Variants in GRIN2A observed in about 807,000 individuals in gnomAD.
GRIN2A encodes the protein glutamate ionotropic receptor NMDA type subunit 2A.
A neutral mutation model predicts 113.4 loss-of-function variants in GRIN2A; 22 were observed. The observed-to-expected ratio is 0.19, with a 90% CI of 0.14 to 0.28. The LOEUF (loss-of-function observed/expected upper bound fraction) is 0.28, where lower values mean the gene tolerates loss of function less well. Ranked by LOEUF, GRIN2A falls within the 10% of genes least tolerant of loss-of-function variation. The pLI, the probability that GRIN2A is intolerant of heterozygous loss-of-function variation, is 1.00. For missense variants in GRIN2A, 1,502 were observed against 1,887.0 expected, an observed-to-expected ratio of 0.80 and a Z score of 3.78; for synonymous variants, 827 against 738.4, an observed-to-expected ratio of 1.12 and a Z score of -1.94.
chr16:9,818,207 T>C (rs1025588829), intron 10 of GRIN2A, among the ~76,000 whole-genome samples: 30 of 152,092 alleles, frequency 2.0e-4, no homozygotes, highest in Non-Finnish European at 3.1e-4. Context: ...GGTGGGACGT[T>C]GAGAAGACAC....
Position 9,799,155 on chromosome 16 carries a change from C to T in GRIN2A, c.2169-691G>A, listed in dbSNP as rs545798717. Among the ~76,000 whole-genome samples, 27 of 152,216 alleles carry T rather than the reference C, an allele frequency of 1.8e-4. No homozygotes were observed. The East Asian group carries it at 2.3e-3, about 13-fold the overall frequency. ...ATAGTTGAGGCTTTGTAGGACATAC[C>T]GTCTCTGTTGCAGCTATTAAACTCT... On this transcript the variant is annotated intron_variant, in intron 10 of 12. Coordinates refer to ENST00000330684, the MANE Select transcript of GRIN2A (RefSeq NM_001134407.3).
intron 4 of GRIN2A, among the ~76,000 whole-genome samples, chr16:9,869,791 T>C (rs928880537): frequency 3.3e-5 from 5 of 152,232 alleles, no homozygotes; most frequent in Admixed American, 6.5e-5. Flanking sequence ...TGTTTTATTA[T>C]ATACAGGGAT....
chr16:9,965,634 C>T (rs1472961724), intron 2 of GRIN2A, among the ~76,000 whole-genome samples: 1 of 152,138 alleles, frequency 6.6e-6, no homozygotes, highest in Non-Finnish European at 1.5e-5. Context: ...TCTCTGATGT[C>T]CAGTCCATGT....
rs1900250568 is a variant in GRIN2A, at chr16:9,753,581, C to G, written c.*9568G>C. ...TTAAAACAGTTGATAACACATTGAA[C>G]AAAATTAAAAGACATACTACAAGAA... On this transcript the variant is annotated 3_prime_UTR_variant, in exon 13 of 13. Coordinates refer to ENST00000330684, the MANE Select transcript of GRIN2A (RefSeq NM_001134407.3). 1 of 197,962 alleles carries G rather than the reference C, an allele frequency of 5.1e-6. No individual in the cohort carries two copies. Among genetic ancestry groups the G allele is most frequent in the Non-Finnish European group, 1.0e-5 (1 of 95,704 alleles). 12.3% of individuals were successfully genotyped at this position (197,962 alleles called of 1,614,324 possible).
intron 2 of GRIN2A, among the ~76,000 whole-genome samples, chr16:10,118,009 G>C (rs1203432622): frequency 6.6e-6 from 1 of 152,082 alleles, no homozygotes; most frequent in East Asian, 1.9e-4. Flanking sequence ...TGAGCACATG[G>C]CACTGGACCA....
intron 12 of GRIN2A, 98 bp downstream of exon 12, chr16:9,768,753 T>G: frequency 1.2e-6 from 1 of 835,548 alleles, no homozygotes; most frequent in Non-Finnish European, 2.1e-6. Context: ...GAAAGGCTGG[T>G]AAGGGGAGGA....
intron 2 of GRIN2A, among the ~76,000 whole-genome samples, chr16:10,135,232 C>T (rs1204123210): frequency 6.6e-6 from 1 of 152,206 alleles, no homozygotes; most frequent in Non-Finnish European, 1.5e-5. Context: ...CACTATATAA[C>T]AAGGATGTCC....
intron 7 of GRIN2A, among the ~76,000 whole-genome samples, chr16:9,835,949 A>G (rs549092398): frequency 3.9e-4 from 59 of 152,378 alleles, no homozygotes; most frequent in African/African-American, 1.3e-3. Flanking sequence ...TTACTTAAGT[A>G]ACACAAGATG....
chr16:9,754,090 T>C lies in GRIN2A; in HGVS notation c.*9059A>G, dbSNP rs951161617. The C allele has an allele frequency of 1.1e-5, 2 of 184,668 alleles. No homozygotes were observed. The highest frequency in any genetic ancestry group is 4.7e-5 in the African/African-American group (2 of 42,642). 11.4% of individuals were successfully genotyped at this position (184,668 alleles called of 1,614,324 possible). On this transcript the variant is annotated 3_prime_UTR_variant, in exon 13 of 13. Transcript: ENST00000330684. ...AGGCCATTATTTATAATTTTTATGATCTAATTCTTATTCAAGCTACCAAGA... is the reference window on the plus strand; with the variant it reads ...AGGCCATTATTTATAATTTTTATGACCTAATTCTTATTCAAGCTACCAAGA...
At chr16:10,167,988 T>C (rs1262908836) in intron 2 of GRIN2A, among the ~76,000 whole-genome samples, 3 of 152,182 alleles carry the variant, frequency 2.0e-5, no homozygotes, top group African/African-American at 7.2e-5. Flanking sequence ...TCTGGCTGGC[T>C]CTTTAGAATA....
intron 2 of GRIN2A, among the ~76,000 whole-genome samples, chr16:10,101,374 A>G (rs1268394321): frequency 6.6e-6 from 1 of 152,228 alleles, no homozygotes; most frequent in Non-Finnish European, 1.5e-5. Flanking sequence ...CCACAACATG[A>G]AGCGTATACA....
intron 2 of GRIN2A, among the ~76,000 whole-genome samples, chr16:10,107,951 A>C (rs1419826079): frequency 6.6e-6 from 1 of 152,146 alleles, no homozygotes; most frequent in Non-Finnish European, 1.5e-5. Flanking sequence ...AAGTTCTGGG[A>C]AAGTACAGTT....
Position 9,763,533 on chromosome 16 carries a change from C to A in GRIN2A, c.4011G>T (p.Ser1337=), listed in dbSNP as rs748586367. Residue 1337 remains serine (S), a synonymous_variant, in exon 13 of 13, where the codon TCG becomes TCT. Transcript: ENST00000330684. ...SLFSVPSSKL[S]GKKSSLFPQG... The stretch of plus-strand genomic sequence containing the variant: ...GGGGGAAAAGGGAGCTTTTTTTCCC[C>A]GAGAGTTTGCTTGAGGGGACACTAA... 6.2e-7 allele frequency: 1 copy of A among 1,613,894 alleles called. No individual in the cohort carries two copies. The highest frequency in any genetic ancestry group is 1.1e-5 in the South Asian group (1 of 91,050).
intron 2 of GRIN2A, among the ~76,000 whole-genome samples, chr16:9,998,728 TTC>T (rs1020618579): frequency 6.6e-6 from 1 of 151,760 alleles, no homozygotes. Flanking sequence ...AGTCTCACTC[TTC>T]TCTCTCTCTC....
chr16:9,987,592 G>A (rs1234363465), intron 2 of GRIN2A, among the ~76,000 whole-genome samples: 1 of 152,178 alleles, frequency 6.6e-6, no homozygotes, highest in Non-Finnish European at 1.5e-5. Flanking sequence ...TTAAGCTAAG[G>A]AAATTAAACC....
At chr16:9,961,831 G>A (rs570529608) in intron 2 of GRIN2A, among the ~76,000 whole-genome samples, 1 of 152,116 alleles carries the variant, frequency 6.6e-6, no homozygotes, top group Non-Finnish European at 1.5e-5. Context: ...TTAATCCTCA[G>A]CCAAAAGAAC....
At chr16:10,116,129 C>T (rs1379512769) in intron 2 of GRIN2A, among the ~76,000 whole-genome samples, 1 of 152,204 alleles carries the variant, frequency 6.6e-6, no homozygotes, top group Non-Finnish European at 1.5e-5. Flanking sequence ...TTATGGAATA[C>T]TATCCAGCCA....
rs1339979085 is a variant in GRIN2A at position 9,834,117 on chromosome 16, C to A, written c.1765G>T (p.Ala589Ser). Reference sequence around the variant, plus strand: ...AAGGTACCCTTACCTTTCCCTTTGGCTAAGTTTCTGTTGTATCCAACAGGG... The same window carrying A: ...AAGGTACCCTTACCTTTCCCTTTGGATAAGTTTCTGTTGTATCCAACAGGG... Reference protein sequence around the residue: ...FSPVGYNRNLAKGKAPHGPSF... With the variant: ...FSPVGYNRNLSKGKAPHGPSF... Residue 589 changes from alanine (A) to serine (S), a missense_variant, in exon 8 of 13, where the codon GCC (alanine) becomes TCC (serine). By Grantham distance (99) the Ala-to-Ser change is moderately conservative. This residue lies in a region of GRIN2A where 82 missense variants were observed against 222.7 expected (regional missense o/e 0.37). Transcript: ENST00000330684. 6.2e-7 allele frequency: 1 copy of A among 1,613,794 alleles called. No homozygotes were observed. The highest frequency in any genetic ancestry group is 8.5e-7 in the Non-Finnish European group (1 of 1,179,678).
At position 9,753,632 on chromosome 16, in the gene GRIN2A, A is replaced by G. The variant is rs16966242; in HGVS notation, c.*9517T>C. 1,888 of 195,244 alleles carry G rather than the reference A, an allele frequency of 9.7e-3. 22 individuals are homozygous for G. Among genetic ancestry groups the G allele is most frequent in the African/African-American group, 0.04 (1,745 of 43,354 alleles). The allele number at this position is 195,244 out of a possible 1,614,324, so 12.1% of individuals were successfully genotyped here. A position where few individuals can be genotyped will look rare whatever the true frequency, so the allele number is the denominator to read the frequency against. On this transcript the variant is annotated 3_prime_UTR_variant, in exon 13 of 13. Coordinates refer to ENST00000330684, the MANE Select transcript of GRIN2A (RefSeq NM_001134407.3). ...GACAACCATAGTATATACTTCCTCT[A>G]TCATAGAAAGGTGTTAAGCAAACAT...
Sources: allele counts gnomAD v4.1 joint callset (sites outside exome capture counted in the v4.1 genomes callset), GRCh38; gene constraint gnomAD v4.1.1; regional missense constraint gnomAD v4.1.1; transcripts MANE v1.5; gene names NCBI Gene and HGNC (gene_info 2026-07-23, HGNC 2026-07-21).